ADGRD2: variants seen among roughly 807,000 people sequenced by gnomAD.
ADGRD2 encodes G protein-coupled receptor PGR24.
Under a neutral mutation model 44.4 loss-of-function variants are expected in ADGRD2, and 71 were observed. That is an observed-to-expected ratio of 1.60 (90% confidence interval 1.32 to 1.95). ADGRD2 has a LOEUF of 1.95. Ranked by LOEUF, ADGRD2 falls within the 30% of genes most tolerant of loss-of-function variation. ADGRD2 has a pLI of 0.00. For synonymous variants in ADGRD2, 481 were observed against 224.8 expected (o/e 2.14, Z -10.19); for missense variants, 1,039 against 512.4 (o/e 2.03, Z -9.92).
upstream of ADGRD2, among the ~76,000 whole-genome samples, chr9:124,450,985 C>T (rs946407461): frequency 6.6e-6 from 1 of 152,194 alleles, no homozygotes; most frequent in Non-Finnish European, 1.5e-5. Flanking sequence ...CCAGATCACC[C>T]AGGGTTAGGG....
chr9:124,461,838 C>T (rs763119225), intron 10 of ADGRD2, among the ~76,000 whole-genome samples: 1 of 151,838 alleles, frequency 6.6e-6, no homozygotes, highest in Non-Finnish European at 1.5e-5. Context: ...ACTTCCACCT[C>T]CCGCGTTCAA....
chr9:124,459,060 C>A (rs1831674790), intron 10 of ADGRD2, among the ~76,000 whole-genome samples: 1 of 152,218 alleles, frequency 6.6e-6, no homozygotes, highest in South Asian at 2.1e-4. Context: ...TGTTAGTTCC[C>A]ATGGAGTCAT....
At chr9:124,451,572 G>A (rs577013976), upstream of ADGRD2, 140 of 286,358 alleles carry the variant, frequency 4.9e-4, 2 homozygotes, top group South Asian at 4.5e-3. Flanking sequence ...AGCAAGGCAG[G>A]ATGCCCAGCT....
intron 17 of ADGRD2, 86 bp from the exon 21 acceptor site, chr9:124,475,360 G>T (rs1290934524): frequency 1.5e-6 from 1 of 660,530 alleles, no homozygotes. Flanking sequence ...CTGCCACTGG[G>T]AGGCGCCGGG....
At position 124,466,441 on chromosome 9, in the gene ADGRD2, A is replaced by T. The variant is rs1207882782; in HGVS notation, c.2026+28A>T. ...GAGTGCACGGTGGGAGGGGGGTGTC[A>T]GGAGGGGGCTTCTTAGCTGGAGGTG... On this transcript the variant is annotated intron_variant, in intron 11 of 21. Transcript: ENST00000334810. The T allele has an allele frequency of 1.1e-5, 7 of 652,502 alleles. No homozygotes were observed. In the East Asian group the frequency reaches 1.1e-4, roughly 11 times the overall value. The allele number at this position is 652,502 out of a possible 1,614,324, so 40.4% of individuals were successfully genotyped here. A position where few individuals can be genotyped will look rare whatever the true frequency, so the allele number is the denominator to read the frequency against.
chr9:124,470,463 A>G, intron 16 of ADGRD2, 31 bp from the exon 20 acceptor site: 1 of 699,848 alleles, frequency 1.4e-6, no homozygotes, highest in Non-Finnish European at 2.6e-6. Flanking sequence ...AGGCCTCCCA[A>G]CCCCCGTCAG....
chr9:124,472,125 C>G, intron 17 of ADGRD2, among the ~76,000 whole-genome samples: 1 of 143,708 alleles, frequency 7.0e-6, no homozygotes, highest in African/African-American at 2.9e-5. Flanking sequence ...GGCAGAGACA[C>G]AGCCATGGGG....
At chr9:124,455,617 A>T (rs980252378) in intron 6 of ADGRD2, among the ~76,000 whole-genome samples, 2 of 152,082 alleles carry the variant, frequency 1.3e-5, no homozygotes, top group African/African-American at 4.8e-5. Context: ...GCACTTTAAC[A>T]ATAGCTTCTG....
At chr9:124,452,021 G>A, upstream of ADGRD2, 1 of 289,044 alleles carries the variant, frequency 3.5e-6, no homozygotes, top group Non-Finnish European at 7.0e-6. Context: ...CACCCCCAGA[G>A]TAGGCATTCA....
At chr9:124,468,269 C>T in intron 13 of ADGRD2, 79 bp downstream of exon 16, 2 of 710,304 alleles carry the variant, frequency 2.8e-6, no homozygotes, top group East Asian at 2.7e-5. Flanking sequence ...TGACCCCCTG[C>T]CCCCAACTAT....
chr9:124,463,055 G>A (rs1369133266), intron 10 of ADGRD2, among the ~76,000 whole-genome samples: 1 of 151,982 alleles, frequency 6.6e-6, no homozygotes, highest in Non-Finnish European at 1.5e-5. Flanking sequence ...GGAGTGGTGA[G>A]GTCAGGCATC....
At chr9:124,463,582 T>C (rs1420755571) in intron 10 of ADGRD2, among the ~76,000 whole-genome samples, 1 of 152,216 alleles carries the variant, frequency 6.6e-6, no homozygotes, top group Non-Finnish European at 1.5e-5. Context: ...GTGTGTTCTT[T>C]GTGGAAAGAT....
In ADGRD2 at chr9:124,467,724, G is replaced by T. The variant is rs1281860742; in HGVS notation, c.2032G>T (p.Gly678Cys). Residue 678 changes from glycine to cysteine, a missense_variant, in exon 12 of 22, where the codon GGC (glycine) becomes TGC (cysteine). By Grantham distance (159) the Gly-to-Cys change is radical (BLOSUM62 -3). Transcript: ENST00000334810. Reference sequence around the variant, plus strand: ...GTTTCTCTGTCCCTCCACACAGAGAGGCCCTGAGGAGGAGTCGCTGCTGAG... The same window carrying T: ...GTTTCTCTGTCCCTCCACACAGAGATGCCCTGAGGAGGAGTCGCTGCTGAG... 4.2e-6 allele frequency: 3 copies of T among 718,500 alleles called. No individual in the cohort carries two copies. In the South Asian group the frequency reaches 4.4e-5, roughly 11 times the overall value. The allele number at this position is 718,500 out of a possible 1,614,324, so 44.5% of individuals were successfully genotyped here.
exon 8 of ADGRD2, chr9:124,457,492 C>T (rs559753268): frequency 1.5e-4 from 100 of 661,724 alleles, no homozygotes; most frequent in Admixed American, 8.1e-4. Context: ...GCGGAGCTTA[C>T]GCTTGAGGGA....
chr9:124,469,660 C>T (rs768266737), intron 16 of ADGRD2, 113 bp downstream of exon 19: 19 of 661,332 alleles, frequency 2.9e-5, no homozygotes, highest in South Asian at 6.9e-5. Flanking sequence ...AGAGCGTGAC[C>T]GTGTGGCTAT....
intron 11 of ADGRD2, chr9:124,466,907 C>T: frequency 6.5e-6 from 1 of 152,954 alleles, no homozygotes; most frequent in Admixed American, 6.5e-5. Flanking sequence ...CTGGAAAGGG[C>T]CCCGGAGTGG....
At chr9:124,463,417 T>G (rs1440561072) in intron 10 of ADGRD2, among the ~76,000 whole-genome samples, 1 of 152,212 alleles carries the variant, frequency 6.6e-6, no homozygotes, top group Non-Finnish European at 1.5e-5. Context: ...TATGTTTATG[T>G]TCATGAATAA....
At chr9:124,455,604 AT>A (rs1831599990) in intron 6 of ADGRD2, among the ~76,000 whole-genome samples, 2 of 147,204 alleles carry the variant, frequency 1.4e-5, no homozygotes, top group South Asian at 2.2e-4. Context: ...AAAAAAAAAA[AT>A]TGCACTTTAA....
At chr9:124,466,368 C>T (rs1002095453) in exon 11 of ADGRD2, 3 of 717,444 alleles carry the variant, frequency 4.2e-6, no homozygotes, top group Non-Finnish European at 7.8e-6. Flanking sequence ...GCTTCTGCAA[C>T]CACAGCACCA....
Sources: allele counts gnomAD v4.1 joint callset (sites outside exome capture counted in the v4.1 genomes callset), GRCh38; gene constraint gnomAD v4.1.1; transcripts MANE v1.5; gene names NCBI Gene and HGNC (gene_info 2026-07-23, HGNC 2026-07-21).